Variants in CHRM3 observed in about 807,000 individuals in gnomAD.
CHRM3 encodes the protein muscarinic acetylcholine receptor M3.
CHRM3 carries 11 observed loss-of-function variants against 41.8 expected under a neutral mutation model. The observed-to-expected ratio is 0.26, with a 90% CI of 0.17 to 0.44. The LOEUF is 0.44. Ranked by LOEUF, CHRM3 falls within the 20% of genes least tolerant of loss-of-function variation. The probability of loss-of-function intolerance (pLI) is 1.00; values close to 1 mark genes in which losing one functional copy is unlikely to be tolerated. For synonymous variants in CHRM3, 297 were observed against 301.4 expected, an observed-to-expected ratio of 0.99 and a Z score of 0.15; for missense variants, 571 against 745.4, an observed-to-expected ratio of 0.77 and a Z score of 2.72.
intron 4 of CHRM3, among the ~76,000 whole-genome samples, chr1:239,637,184 T>G (rs1012827150): frequency 6.6e-6 from 1 of 152,170 alleles, no homozygotes; most frequent in African/African-American, 2.4e-5. Context: ...TCTTGATCAA[T>G]GGTCTTATCA....
intron 1 of CHRM3, among the ~76,000 whole-genome samples, chr1:239,459,382 T>G (rs577158676): frequency 3.9e-5 from 6 of 152,290 alleles, no homozygotes; most frequent in African/African-American, 1.4e-4. Flanking sequence ...AAGGACCTAT[T>G]TAACCCTCTT....
At chr1:239,489,650 T>C (rs1025823806) in intron 1 of CHRM3, among the ~76,000 whole-genome samples, 1 of 152,186 alleles carries the variant, frequency 6.6e-6, no homozygotes, top group Non-Finnish European at 1.5e-5. Flanking sequence ...TGTTTTTTGC[T>C]ATTTTGGGGG....
intron 6 of CHRM3, among the ~76,000 whole-genome samples, chr1:239,884,831 C>A (rs567854034): frequency 6.6e-6 from 1 of 152,238 alleles, no homozygotes; most frequent in South Asian, 2.1e-4. Flanking sequence ...TCCCTCAAAA[C>A]CTTAGGAGAC....
At chr1:239,757,386 T>C (rs1666326358) in intron 5 of CHRM3, among the ~76,000 whole-genome samples, 3 of 152,080 alleles carry the variant, frequency 2.0e-5, no homozygotes, top group Admixed American at 2.0e-4. Flanking sequence ...CCCAGCACTT[T>C]AGGAGGCCCA....
At position 239,642,015 on chromosome 1, in the gene CHRM3, C is replaced by G. The variant is rs879480870; in HGVS notation, c.-250+9729C>G. Among the ~76,000 whole-genome samples, 5 of 126,428 alleles carry G rather than the reference C, an allele frequency of 4.0e-5. 2 individuals are homozygous for G. The highest frequency in any genetic ancestry group is 8.4e-5 in the Non-Finnish European group (5 of 59,786). The allele number at this position is 126,428 out of a possible 152,430, so 82.9% of individuals were successfully genotyped here. On this transcript the variant is annotated intron_variant, in intron 4 of 6. Coordinates refer to ENST00000676153, the MANE Select transcript of CHRM3 (RefSeq NM_001375978.1). ...GTCTGTAAAGAATTTTATTTCTCCT[C>G]CACTTATGAAGCTTAGTTTGGCTGG...
At chr1:239,452,640 G>A (rs6669508) in intron 1 of CHRM3, among the ~76,000 whole-genome samples, 10,294 of 152,092 alleles carry the variant, frequency 0.068, 686 homozygotes, top group African/African-American at 0.18. Context: ...TGTCAAATTC[G>A]TTACCCAAAG....
intron 3 of CHRM3, among the ~76,000 whole-genome samples, chr1:239,591,590 G>A (rs1026897959): frequency 1.3e-5 from 2 of 150,928 alleles, no homozygotes; most frequent in Non-Finnish European, 2.9e-5. Context: ...CATGCGTGCC[G>A]TCTTTTCTTG....
chr1:239,411,696 G>A (rs1402875937), intron 1 of CHRM3, among the ~76,000 whole-genome samples: 1 of 117,030 alleles, frequency 8.5e-6, no homozygotes, highest in African/African-American at 3.4e-5. Flanking sequence ...TTGCAGTCCA[G>A]CCTGGGCGAC....
rs2149024833 is a variant in CHRM3, at chr1:239,663,353, GT to G, written c.-249-14830del. ...TGTGAACAGTTTGTTAAATTCCTGA[GT>G]TTCTGCAATTCCCATTAAACACAGC... On this transcript the variant is annotated intron_variant, in intron 4 of 6. Coordinates refer to ENST00000676153, the MANE Select transcript of CHRM3 (RefSeq NM_001375978.1). 1.3e-5 allele frequency among the ~76,000 whole-genome samples: 2 copies of G among 152,246 alleles called. 1 individual carries two copies. Among genetic ancestry groups the G allele is most frequent in the South Asian group, 4.1e-4 (2 of 4,820 alleles).
rs556820977 is a variant in CHRM3, at chr1:239,688,570, ATAT to A, written c.-147+10286_-147+10288del. 6.1e-3 allele frequency among the ~76,000 whole-genome samples: 834 copies of A among 135,850 alleles called. 23 individuals are homozygous for A. Among genetic ancestry groups the A allele is most frequent in the Admixed American group, 0.048 (590 of 12,178 alleles). The allele number at this position is 135,850 out of a possible 152,430, so 89.1% of individuals were successfully genotyped here. A position where few individuals can be genotyped will look rare whatever the true frequency, so the allele number is the denominator to read the frequency against. On this transcript the variant is annotated intron_variant, in intron 5 of 6. Transcript: ENST00000676153. ...TTATTTATATAACATATATTATATG[ATAT>A]TATATATTACTCCATATAATATAAT...
In CHRM3 at chr1:239,912,128, C is replaced by T. The variant is rs2103067487; in HGVS notation, c.*2904C>T. 6.0e-6 allele frequency: 1 copy of T among 166,536 alleles called. No individual in the cohort carries two copies. Among genetic ancestry groups the T allele is most frequent in the South Asian group, 2.1e-4 (1 of 4,810 alleles). 10.3% of individuals were successfully genotyped at this position (166,536 alleles called of 1,614,324 possible). On this transcript the variant is annotated 3_prime_UTR_variant, in exon 7 of 7. Transcript: ENST00000676153. Reference sequence around the variant, plus strand: ...AAAATAAACTACACATGGAGAATCTCTCTCTCTCTCTCTGCCTCTCTCTCT... The same window carrying T: ...AAAATAAACTACACATGGAGAATCTTTCTCTCTCTCTCTGCCTCTCTCTCT...
At chr1:239,689,292 T>C (rs1659480112) in intron 5 of CHRM3, among the ~76,000 whole-genome samples, 1 of 152,078 alleles carries the variant, frequency 6.6e-6, no homozygotes, top group Non-Finnish European at 1.5e-5. Context: ...GGATTCTATA[T>C]TGAAATGTCA....
chr1:239,892,231 A>T (rs1448009242), intron 6 of CHRM3, among the ~76,000 whole-genome samples: 2 of 152,226 alleles, frequency 1.3e-5, no homozygotes, highest in African/African-American at 4.8e-5. Flanking sequence ...CAGGAAATTC[A>T]AAACAAGAGA....
chr1:239,510,121 G>A (rs1668825326), intron 2 of CHRM3, among the ~76,000 whole-genome samples: 1 of 152,078 alleles, frequency 6.6e-6, no homozygotes, highest in Admixed American at 6.6e-5. Context: ...AGAAGTAAAA[G>A]CTATTTACCT....
At chr1:239,586,011 C>T (rs983933736) in intron 3 of CHRM3, among the ~76,000 whole-genome samples, 5 of 152,116 alleles carry the variant, frequency 3.3e-5, no homozygotes, top group African/African-American at 1.2e-4. Context: ...AATCATAATG[C>T]AGATCTTGGT....
intron 1 of CHRM3, among the ~76,000 whole-genome samples, chr1:239,481,899 G>A (rs1666878411): frequency 6.6e-6 from 1 of 152,174 alleles, no homozygotes; most frequent in East Asian, 1.9e-4. Context: ...CTGTGGAGTG[G>A]AGGGAAGTGA....
intron 5 of CHRM3, among the ~76,000 whole-genome samples, chr1:239,749,522 G>T (rs553854201): frequency 9.3e-4 from 142 of 152,248 alleles, no homozygotes; most frequent in African/African-American, 3.2e-3. Flanking sequence ...ACAAAAATTA[G>T]CTAGGTGTGG....
chr1:239,400,156 AC>A (rs1270303198), intron 1 of CHRM3, among the ~76,000 whole-genome samples: 1 of 152,136 alleles, frequency 6.6e-6, no homozygotes, highest in Non-Finnish European at 1.5e-5. Context: ...TGATCCGCCC[AC>A]CTCGGCCTTC....
At chr1:239,853,847 A>G (rs1348602012) in intron 6 of CHRM3, among the ~76,000 whole-genome samples, 1 of 152,088 alleles carries the variant, frequency 6.6e-6, no homozygotes, top group Non-Finnish European at 1.5e-5. Context: ...TTTTGAACCA[A>G]TCTTATTTAC....
Sources: gnomAD v4.1 joint callset for allele counts (sites outside exome capture counted in the v4.1 genomes callset) on GRCh38, gnomAD v4.1.1 for gene constraint, MANE v1.5 for transcripts, NCBI Gene and HGNC (gene_info 2026-07-23, HGNC 2026-07-21) for gene names.